ZSCAN10: variants seen among roughly 807,000 people sequenced by gnomAD.
ZSCAN10 encodes zinc finger and SCAN domain containing 10, also known as zinc finger and SCAN domain-containing protein 10.
Under a neutral mutation model 63.7 loss-of-function variants are expected in ZSCAN10, and 52 were observed. The ratio of observed to expected loss-of-function variants is 0.82; its 90% CI spans 0.65 to 1.03. The LOEUF (loss-of-function observed/expected upper bound fraction) is 1.03. Ranked by LOEUF, ZSCAN10 falls within the 50% of genes least tolerant of loss-of-function variation. The probability of loss-of-function intolerance (pLI) is 0.00; values close to 1 mark genes in which losing one functional copy is unlikely to be tolerated. For missense variants in ZSCAN10, 1,223 were observed against 1,103.8 expected, an observed-to-expected ratio of 1.11 and a Z score of -1.53; for synonymous variants, 544 against 479.6, an observed-to-expected ratio of 1.13 and a Z score of -1.76.
chr16:3,093,045 A>G lies in ZSCAN10; in HGVS notation c.-67-41T>C, dbSNP rs149508453. On this transcript the variant is annotated intron_variant, in intron 1 of 5. Coordinates refer to ENST00000576985, the MANE Select transcript of ZSCAN10 (RefSeq NM_032805.3). ...CCCTGGGTTAGGATCTGCTGCGAGG[A>G]AGCTGGCCCCATACCTGGGTCATCC... The G allele has an allele frequency of 1.4e-3, 1,847 of 1,311,338 alleles. 28 individuals carry two copies. The highest frequency in any genetic ancestry group is 4.3e-3 in the East Asian group (146 of 34,166). The allele number at this position is 1,311,338 out of a possible 1,614,324, so 81.2% of individuals were successfully genotyped here. A position where few individuals can be genotyped will look rare whatever the true frequency, so the allele number is the denominator to read the frequency against.
intron 1 of ZSCAN10, among the ~76,000 whole-genome samples, chr16:3,094,221 C>T (rs967706930): frequency 1.3e-5 from 2 of 152,120 alleles, no homozygotes; most frequent in Non-Finnish European, 2.9e-5. Flanking sequence ...ATTATGTTGC[C>T]CAGGCTGGTC....
Position 3,092,737 on chromosome 16 carries a change from C to T in ZSCAN10, c.201G>A (p.Glu67=). ...CCGGCCGCAGCCAGTGGCCGCAGAG[C>T]TCCCGGAGCCGGCTCAGGGACGCCC... is the stretch of plus-strand genomic sequence containing the variant. The part of the protein sequence containing the change: ...GPRASLSRLR[E]LCGHWLRPAL... Residue 67 remains glutamate (E), a synonymous_variant, in exon 2 of 6, where the codon GAG becomes GAA. Coordinates refer to ENST00000576985, the MANE Select transcript of ZSCAN10 (RefSeq NM_032805.3). The T allele has an allele frequency of 6.2e-7, 1 of 1,612,474 alleles. No individual in the cohort carries two copies. The highest frequency in any genetic ancestry group is 1.1e-5 in the South Asian group (1 of 90,920).
chr16:3,092,456 A>T (rs1957095464), intron 2 of ZSCAN10, 86 bp downstream of exon 2: 2 of 1,469,548 alleles, frequency 1.4e-6, no homozygotes, highest in East Asian at 2.3e-5. Context: ...CAGGTGGGGG[A>T]AAGTGAAGTT....
At chr16:3,096,074 T>G (rs139060913) in intron 1 of ZSCAN10, among the ~76,000 whole-genome samples, 632 of 152,246 alleles carry the variant, frequency 4.2e-3, no homozygotes, top group Admixed American at 6.4e-3. Context: ...CTCCTCCCAA[T>G]CTAGGGCTGT....
intron 2 of ZSCAN10, 59 bp downstream of exon 2, chr16:3,092,483 T>TG (rs1171345001): frequency 4.1e-6 from 6 of 1,453,226 alleles, no homozygotes; most frequent in Non-Finnish European, 3.6e-6. Context: ...GATTCCTCAC[T>TG]GGGGGGATCA....
Position 3,092,087 on chromosome 16 carries a change from G to A in ZSCAN10, c.626C>T (p.Pro209Leu), listed in dbSNP as rs752756761. ...GGCCTGGAATGTCTTCTGGGGCCCC[G>A]GGCTCAGCGGCTGCTTTGAACTTGG... ...LPPSSKQPLS[P>L]GPQKTFQALQ... The change falls in exon 3 of 6, where the codon CCG (proline) becomes CTG (leucine). Residue 209 changes from proline (P) to leucine (L), a missense_variant. Transcript: ENST00000576985. 6.9e-6 allele frequency: 11 copies of A among 1,591,838 alleles called. No individual in the cohort carries two copies. The highest frequency in any genetic ancestry group is 1.7e-4 in the Middle Eastern group (1 of 5,868).
chr16:3,095,247 G>T (rs900236126), intron 1 of ZSCAN10, among the ~76,000 whole-genome samples: 34 of 151,896 alleles, frequency 2.2e-4, no homozygotes, highest in African/African-American at 8.2e-4. Context: ...GCAGGGTGTG[G>T]TGGCTCACAC....
chr16:3,094,733 T>G (rs1282471450), intron 1 of ZSCAN10, among the ~76,000 whole-genome samples: 1 of 152,046 alleles, frequency 6.6e-6, no homozygotes, highest in African/African-American at 2.4e-5. Flanking sequence ...GAAATTGGCC[T>G]GAGTTACTCA....
At chr16:3,091,265 T>C (rs983150115) in intron 5 of ZSCAN10, among the ~76,000 whole-genome samples, 1 of 150,666 alleles carries the variant, frequency 6.6e-6, no homozygotes, top group Non-Finnish European at 1.5e-5. Flanking sequence ...TGAGCCATGA[T>C]TGTGCCACAG....
In ZSCAN10 at chr16:3,089,682, C is replaced by T. The variant is rs753011504; in HGVS notation, c.1752G>A (p.Gly584=). 5 of 1,600,260 alleles carry T rather than the reference C, an allele frequency of 3.1e-6. No homozygotes were observed. In the South Asian group the frequency reaches 5.6e-5, roughly 18 times the overall value. ...GGCTGGCCCGGCGCACAAAGCGCTT[C>T]CCGCACTGCGGACAGGCGTAGGGCT... ...GEKPYACPQC[G]KRFVRRASLA... The change falls in exon 6 of 6, where the codon GGG becomes GGA. Residue 584 remains glycine, a synonymous_variant. Coordinates refer to ENST00000576985, the MANE Select transcript of ZSCAN10 (RefSeq NM_032805.3).
In ZSCAN10 at chr16:3,089,116, G is replaced by T; in HGVS notation, c.2318C>A (p.Thr773Asn). ...CTAGTACAGCGTCTCGCGGGCGTGG[G>T]TGCGCAGGTGGCGCAGCAGGTGGGA... ...RNSHLLRHLR[T>N]HARETLY Residue 773 changes from threonine to asparagine, a missense_variant, in exon 6 of 6, where the codon ACC becomes AAC. Coordinates refer to ENST00000576985, the MANE Select transcript of ZSCAN10 (RefSeq NM_032805.3). The T allele has an allele frequency of 6.6e-7, 1 of 1,516,696 alleles. No individual in the cohort carries two copies. Among genetic ancestry groups the T allele is most frequent in the Non-Finnish European group, 8.7e-7 (1 of 1,143,546 alleles). 94.0% of individuals were successfully genotyped at this position (1,516,696 alleles called of 1,614,324 possible).
chr16:3,095,961 A>G (rs1226244652), intron 1 of ZSCAN10, among the ~76,000 whole-genome samples: 1 of 152,202 alleles, frequency 6.6e-6, no homozygotes, highest in African/African-American at 2.4e-5. Context: ...TGACTGCAAC[A>G]TTGCACTCCA....
chr16:3,090,505 C>A lies in ZSCAN10; in HGVS notation c.929G>T (p.Arg310Leu), dbSNP rs150161891. 6 of 1,613,210 alleles carry A rather than the reference C, an allele frequency of 3.7e-6. No homozygotes were observed. The Admixed American group carries it at 1.0e-4, about 27-fold the overall frequency. Residue 310 changes from arginine (R) to leucine (L), a missense_variant, in exon 6 of 6, where the codon CGG (arginine) becomes CTG (leucine). Physicochemically the swap from Arg to Leu is moderately radical, Grantham distance 102 (BLOSUM62 -2). Coordinates refer to ENST00000576985, the MANE Select transcript of ZSCAN10 (RefSeq NM_032805.3). ...PGEPCAQSLG[R>L]GAAASGPGED... is the part of the protein sequence containing the mutation. ...ACCAGGGCCGCTAGCCGCAGCGCCC[C>A]GTCCGAGCGACTGGGCGCAAGGCTC...
chr16:3,089,778 G>T lies in ZSCAN10; in HGVS notation c.1656C>A (p.Cys552Ter). 1.3e-6 allele frequency: 2 copies of T among 1,594,466 alleles called. No individual in the cohort carries two copies. The highest frequency in any genetic ancestry group is 1.1e-5 in the South Asian group (1 of 90,288). The change falls in exon 6 of 6, where the codon TGC becomes TGA. Residue 552 changes from cysteine to a stop codon, truncating the protein, a stop_gained. Coordinates refer to ENST00000576985, the MANE Select transcript of ZSCAN10 (RefSeq NM_032805.3). LOFTEE classifies it high-confidence loss of function. ...RVHTGERPFS[C>*]QACGRSFTQS... ...GCGTGAAGCTGCGGCCGCAAGCCTG[G>T]CAGGAGAAGGGCCGCTCGCCCGTGT...
intron 1 of ZSCAN10, among the ~76,000 whole-genome samples, chr16:3,094,188 A>AT (rs1435400735): frequency 2.0e-5 from 3 of 151,304 alleles, no homozygotes; most frequent in Admixed American, 6.6e-5. Context: ...AATTTTATTT[A>AT]TTTTTTGTAG....
At chr16:3,096,936 A>C (rs1200147049) in intron 1 of ZSCAN10, among the ~76,000 whole-genome samples, 1 of 151,664 alleles carries the variant, frequency 6.6e-6, no homozygotes, top group East Asian at 1.9e-4. Context: ...CTCAAAAAAA[A>C]AAAAAAAAAA....
chr16:3,089,221 T>C lies in ZSCAN10; in HGVS notation c.2213A>G (p.Asn738Ser). The C allele has an allele frequency of 6.3e-7, 1 of 1,584,068 alleles. No homozygotes were observed. Reference protein sequence around the residue: ...ECGKSFSRSCNLLRHLLVHTG... With the variant: ...ECGKSFSRSCSLLRHLLVHTG... ...GTGCACCAGCAGGTGTCGCAGCAGA[T>C]TGCAGCTGCGGCTGAAGCTCTTCCC... The change falls in exon 6 of 6, where the codon AAT becomes AGT. Residue 738 changes from asparagine (N) to serine (S), a missense_variant. Physicochemically the swap from Asn to Ser is conservative, Grantham distance 46. Coordinates refer to ENST00000576985, the MANE Select transcript of ZSCAN10 (RefSeq NM_032805.3).
chr16:3,092,097 G>A lies in ZSCAN10; in HGVS notation c.616C>T (p.Pro206Ser). The A allele has an allele frequency of 1.3e-6, 2 of 1,599,218 alleles. No individual in the cohort carries two copies. The highest frequency in any genetic ancestry group is 8.5e-7 in the Non-Finnish European group (1 of 1,171,986). Residue 206 changes from proline to serine, a missense_variant, in exon 3 of 6, where the codon CCG becomes TCG. Transcript: ENST00000576985. ...QWRLPPSSKQ[P>S]LSPGPQKTFQ... Reference sequence around the variant, plus strand: ...GTCTTCTGGGGCCCCGGGCTCAGCGGCTGCTTTGAACTTGGGGGAAGCCTC... The same window carrying A: ...GTCTTCTGGGGCCCCGGGCTCAGCGACTGCTTTGAACTTGGGGGAAGCCTC...
intron 1 of ZSCAN10, among the ~76,000 whole-genome samples, chr16:3,094,431 C>T (rs1957129265): frequency 6.6e-6 from 1 of 152,178 alleles, no homozygotes; most frequent in Admixed American, 6.5e-5. Flanking sequence ...CCGCAACCTC[C>T]GCCTCGCGGG....
Sources: gnomAD v4.1 joint callset for allele counts (sites outside exome capture counted in the v4.1 genomes callset) on GRCh38, gnomAD v4.1.1 for gene constraint, MANE v1.5 for transcripts, NCBI Gene and HGNC (gene_info 2026-07-23, HGNC 2026-07-21) for gene names.